HERC5: variants seen among roughly 807,000 people sequenced by gnomAD.
HERC5 encodes the protein E3 ISG15--protein ligase HERC5.
Under a neutral mutation model 119.6 loss-of-function variants are expected in HERC5, and 99 were observed. That is an observed-to-expected ratio of 0.83 (90% CI 0.70 to 0.98). HERC5 has a LOEUF of 0.98. HERC5 is among the 50% of genes least tolerant of loss of function. HERC5 has a pLI of 0.00. For synonymous variants in HERC5, 478 were observed against 445.9 expected, an observed-to-expected ratio of 1.07 and a Z score of -0.91; for missense variants, 1,267 against 1,241.3, an observed-to-expected ratio of 1.02 and a Z score of -0.31.
intron 18 of HERC5, among the ~76,000 whole-genome samples, chr4:88,498,666 G>C (rs777210662): frequency 6.6e-6 from 1 of 152,160 alleles, no homozygotes; most frequent in Non-Finnish European, 1.5e-5. Flanking sequence ...CACCTCCCAG[G>C]TTCAAGCGAT....
At chr4:88,458,087 C>T (rs1740247992) in intron 1 of HERC5, 1 of 985,146 alleles carries the variant, frequency 1.0e-6, no homozygotes, top group South Asian at 4.7e-5. Flanking sequence ...AACTACTGGA[C>T]GTTTGCGTTC....
At chr4:88,505,221 A>G (rs1742069227) in intron 22 of HERC5, among the ~76,000 whole-genome samples, 1 of 152,106 alleles carries the variant, frequency 6.6e-6, no homozygotes, top group African/African-American at 2.4e-5. Flanking sequence ...CCTTTCTGTG[A>G]AGTTCCTTCT....
intron 13 of HERC5, among the ~76,000 whole-genome samples, chr4:88,483,041 G>A (rs1010194730): frequency 3.3e-5 from 5 of 151,972 alleles, no homozygotes; most frequent in Non-Finnish European, 5.9e-5. Flanking sequence ...GTCCATATAC[G>A]TTTTATTATT....
intron 15 of HERC5, among the ~76,000 whole-genome samples, chr4:88,487,392 G>A (rs1035585452): frequency 6.6e-6 from 1 of 152,178 alleles, no homozygotes; most frequent in Non-Finnish European, 1.5e-5. Flanking sequence ...GGTAGCAAGG[G>A]ATGGAGCTTG....
At position 88,457,255 on chromosome 4, in the gene HERC5, C is replaced by T. The variant is rs888747506; in HGVS notation, c.-15C>T. 2.3e-6 allele frequency: 3 copies of T among 1,323,730 alleles called. No homozygotes were observed. The highest frequency in any genetic ancestry group is 3.1e-5 in the East Asian group (1 of 32,078). The allele number at this position is 1,323,730 out of a possible 1,614,324, so 82.0% of individuals were successfully genotyped here. A position where few individuals can be genotyped will look rare whatever the true frequency, so the allele number is the denominator to read the frequency against. On this transcript the variant is annotated 5_prime_UTR_variant, in exon 1 of 23. Coordinates refer to ENST00000264350, the MANE Select transcript of HERC5 (RefSeq NM_016323.4). Reference sequence around the variant, plus strand: ...TCTCCTCTCGCCTCTGGGCCTGGGACCCCGCAAAGCGGCGATGGAGCGGAG... The same window carrying T: ...TCTCCTCTCGCCTCTGGGCCTGGGATCCCGCAAAGCGGCGATGGAGCGGAG...
intron 16 of HERC5, among the ~76,000 whole-genome samples, chr4:88,490,438 G>C (rs1446003278): frequency 6.6e-6 from 1 of 152,106 alleles, no homozygotes; most frequent in African/African-American, 2.4e-5. Flanking sequence ...GATAAAGATT[G>C]GCCTGATAAT....
At chr4:88,499,618 T>C (rs1201828700) in intron 18 of HERC5, among the ~76,000 whole-genome samples, 2 of 152,260 alleles carry the variant, frequency 1.3e-5, no homozygotes, top group Non-Finnish European at 2.9e-5. Context: ...ATGAATTCAC[T>C]ATCAGTGAAC....
intron 4 of HERC5, 23 bp downstream of exon 4, chr4:88,462,379 C>G (rs780635099): frequency 1.9e-6 from 3 of 1,574,366 alleles, no homozygotes; most frequent in African/African-American, 1.3e-5. Context: ...TTCTCAGATT[C>G]CTATTACCAA....
chr4:88,489,198 A>C lies in HERC5; in HGVS notation c.1995A>C (p.Ala665=), dbSNP rs1046188202. 2 of 1,613,180 alleles carry C rather than the reference A, an allele frequency of 1.2e-6. No homozygotes were observed. Among genetic ancestry groups the C allele is most frequent in the Admixed American group, 1.7e-5 (1 of 59,806 alleles). The change falls in exon 16 of 23, where the codon GCA becomes GCC. Residue 665 remains alanine, a synonymous_variant. Coordinates refer to ENST00000264350, the MANE Select transcript of HERC5 (RefSeq NM_016323.4). ...SKKHKAYLRS[A]AIEEERESEF... ...AACATAAAGCTTATCTTAGGTCGGC[A>C]GCAATTGAGGAAGAAAGAGAGTCTG...
rs769095920 is a variant in HERC5 at position 88,494,133 on chromosome 4, T to G, written c.2278-32T>G. 2.7e-6 allele frequency: 4 copies of G among 1,458,362 alleles called. No individual in the cohort carries two copies. The South Asian group carries it at 4.8e-5, about 18-fold the overall frequency. 90.3% of individuals were successfully genotyped at this position (1,458,362 alleles called of 1,614,324 possible). On this transcript the variant is annotated intron_variant, in intron 17 of 22. Coordinates refer to ENST00000264350, the MANE Select transcript of HERC5 (RefSeq NM_016323.4). ...ATTTCATTGTACTGGTAAAAACTCA[T>G]AATACTTTAAGATTTTTTTTTCGCT...
At chr4:88,486,888 A>G (rs1228231337) in intron 14 of HERC5, among the ~76,000 whole-genome samples, 181 bp from the exon 15 acceptor site, 1 of 152,208 alleles carries the variant, frequency 6.6e-6, no homozygotes, top group East Asian at 1.9e-4. Context: ...TTCTCTTTAT[A>G]TACCTTTCAT....
chr4:88,487,631 C>T (rs150351580), intron 15 of HERC5, among the ~76,000 whole-genome samples: 1 of 152,296 alleles, frequency 6.6e-6, no homozygotes, highest in East Asian at 1.9e-4. Flanking sequence ...GGCTACTACT[C>T]TGTGATGGTG....
Position 88,462,160 on chromosome 4 carries a change from G to C in HERC5, c.492G>C (p.Gln164His). The change falls in exon 4 of 23, where the codon CAG (glutamine) becomes CAC (histidine). Residue 164 changes from glutamine to histidine, a missense_variant. Physicochemically the swap from Gln to His is conservative, Grantham distance 24. Coordinates refer to ENST00000264350, the MANE Select transcript of HERC5 (RefSeq NM_016323.4). ...SKGGELFAWG[Q>H]NLHGQLGVGR... The stretch of plus-strand genomic sequence containing the variant: ...GTGGTGAGCTTTTTGCCTGGGGACA[G>C]AACCTGCATGGGCAGCTTGGAGTTG... 1 of 1,614,060 alleles carries C rather than the reference G, an allele frequency of 6.2e-7. No individual in the cohort carries two copies. The highest frequency in any genetic ancestry group is 1.1e-5 in the South Asian group (1 of 91,024).
At chr4:88,501,079 C>G (rs1741933844) in intron 20 of HERC5, 94 bp downstream of exon 20, 2 of 787,822 alleles carry the variant, frequency 2.5e-6, no homozygotes, top group Admixed American at 2.7e-5. Flanking sequence ...ATTTTTCATT[C>G]TCATTAATCA....
chr4:88,483,549 G>A (rs1388351714), intron 13 of HERC5, among the ~76,000 whole-genome samples: 1 of 115,094 alleles, frequency 8.7e-6, no homozygotes, highest in East Asian at 2.7e-4. Flanking sequence ...TTTTTCCTGA[G>A]ACAGAGTCTC....
At chr4:88,495,492 C>T (rs7681411) in intron 18 of HERC5, among the ~76,000 whole-genome samples, 24,606 of 151,920 alleles carry the variant, frequency 0.16, 2,673 homozygotes, top group East Asian at 0.55. Context: ...CTCAGGAGGT[C>T]GAAGCTGCAG....
rs771879750 is a variant in HERC5, at chr4:88,493,033, G to A, written c.2155G>A (p.Gly719Arg). The A allele has an allele frequency of 6.2e-7, 1 of 1,613,796 alleles. No individual in the cohort carries two copies. The highest frequency in any genetic ancestry group is 8.5e-7 in the Non-Finnish European group (1 of 1,179,826). The change falls in exon 17 of 23, where the codon GGG (glycine) becomes AGG (arginine). Residue 719 changes from glycine to arginine, a missense_variant. By Grantham distance (125) the Gly-to-Arg change is moderately radical (BLOSUM62 -2). Around this residue, in one of 3 missense-constraint regions of HERC5, gnomAD observed 473 missense variants for 445.7 expected, o/e 1.06. Transcript: ENST00000264350. ...ELWVSFSGEI[G>R]YDLGGVKKEF... ...TCAGGTTTCATTTAGTGGAGAAATT[G>A]GGTATGACCTCGGAGGAGTCAAGAA...
At chr4:88,465,336 C>G (rs1240609251) in intron 6 of HERC5, among the ~76,000 whole-genome samples, 1 of 152,206 alleles carries the variant, frequency 6.6e-6, no homozygotes, top group Non-Finnish European at 1.5e-5. Context: ...TTTTCCCTCA[C>G]TAAACGTAGA....
chr4:88,479,944 G>C (rs1175870331), intron 13 of HERC5, among the ~76,000 whole-genome samples: 1 of 151,960 alleles, frequency 6.6e-6, no homozygotes, highest in East Asian at 1.9e-4. Context: ...GCGGGCGCCT[G>C]TAGTCCCAGC....
Sources: gnomAD v4.1 joint callset for allele counts (sites outside exome capture counted in the v4.1 genomes callset) on GRCh38, gnomAD v4.1.1 for gene constraint, gnomAD v4.1.1 regional missense constraint, MANE v1.5 for transcripts, NCBI Gene and HGNC (gene_info 2026-07-23, HGNC 2026-07-21) for gene names.